The following TUSC3 variants were observed in gnomAD, a reference collection of about 807,000 sequenced individuals.
TUSC3 encodes the protein dolichyl-diphosphooligosaccharide--protein glycosyltransferase subunit TUSC3.
Under a neutral mutation model 44.8 loss-of-function variants are expected in TUSC3, and 45 were observed. The observed-to-expected ratio is 1.00, with a 90% CI of 0.79 to 1.29. TUSC3 has a LOEUF of 1.29. Ranked by LOEUF, TUSC3 falls within the 50% of genes most tolerant of loss-of-function variation. The pLI is 0.00. For missense variants in TUSC3, 519 were observed against 437.9 expected (o/e 1.19, Z -1.65); for synonymous variants, 212 against 152.9 (o/e 1.39, Z -2.85).
intron 6 of TUSC3, among the ~76,000 whole-genome samples, chr8:15,698,156 C>T (rs757198122): frequency 6.6e-5 from 10 of 152,056 alleles, no homozygotes; most frequent in Non-Finnish European, 1.2e-4. Flanking sequence ...AAAGTAAGCC[C>T]TGTTCCTAAA....
At chr8:15,788,021 C>T in the TUSC3 span, among the ~76,000 whole-genome samples, 2 of 152,176 alleles carry the variant, frequency 1.3e-5, no homozygotes, top group Non-Finnish European at 2.9e-5. Flanking sequence ...TTCAGGGGAA[C>T]ATTTTCAAAC....
At chr8:15,511,575 G>T (rs1231886627) in intron 2 of TUSC3, among the ~76,000 whole-genome samples, 1 of 152,030 alleles carries the variant, frequency 6.6e-6, no homozygotes, top group Non-Finnish European at 1.5e-5. Flanking sequence ...TTGATAAAAG[G>T]TGTATAAGAA....
At chr8:15,514,804 G>T (rs917068953) in intron 2 of TUSC3, among the ~76,000 whole-genome samples, 4 of 152,198 alleles carry the variant, frequency 2.6e-5, no homozygotes, top group Admixed American at 6.5e-5. Context: ...GTGGACCTCA[G>T]TTCAGAATTA....
chr8:15,639,015 G>A (rs541280799), intron 2 of TUSC3, among the ~76,000 whole-genome samples: 2 of 145,744 alleles, frequency 1.4e-5, no homozygotes, highest in Non-Finnish European at 1.5e-5. Flanking sequence ...TGATGATCAT[G>A]TGTCGATGCT....
rs140675631 is a variant in TUSC3, at chr8:15,754,463, C to A, written c.1029-3328C>A. On this transcript the variant is annotated intron_variant, in intron 9 of 10. Transcript: ENST00000503731. The stretch of plus-strand genomic sequence containing the variant: ...ACTGCTAGTACAGACACACATTCTT[C>A]TTCACAGTAGCTCTTGGAAAGCTTC... Among the ~76,000 whole-genome samples, 752 of 152,288 alleles carry A rather than the reference C, an allele frequency of 4.9e-3. 8 individuals carry two copies. Among genetic ancestry groups the A allele is most frequent in the Non-Finnish European group, 9.3e-3 (629 of 67,994 alleles).
At chr8:15,532,662 T>A (rs1414035635) in intron 2 of TUSC3, among the ~76,000 whole-genome samples, 1 of 152,226 alleles carries the variant, frequency 6.6e-6, no homozygotes, top group African/African-American at 2.4e-5. Context: ...GGTTTGGTTC[T>A]GTGTCCCCAC....
chr8:15,683,440 A>C (rs116377336), intron 6 of TUSC3, among the ~76,000 whole-genome samples: 1 of 151,984 alleles, frequency 6.6e-6, no homozygotes, highest in Admixed American at 6.6e-5. Context: ...TCTATTGTTA[A>C]GACTTCCAAC....
At chr8:15,615,805 A>G (rs1030186042) in intron 1 of TUSC3, among the ~76,000 whole-genome samples, 4 of 152,256 alleles carry the variant, frequency 2.6e-5, no homozygotes, top group Non-Finnish European at 5.9e-5. Flanking sequence ...CTAAAATACT[A>G]CAAAAATGAG....
intron 3 of TUSC3, among the ~76,000 whole-genome samples, chr8:15,658,359 CAG>C (rs1807263865): frequency 6.6e-6 from 1 of 152,026 alleles, no homozygotes; most frequent in Non-Finnish European, 1.5e-5. Flanking sequence ...CTGCTGTAGT[CAG>C]AGTTCATTTG....
At chr8:15,642,584 C>T (rs1432425765) in intron 2 of TUSC3, among the ~76,000 whole-genome samples, 2 of 152,066 alleles carry the variant, frequency 1.3e-5, no homozygotes, top group Non-Finnish European at 2.9e-5. Context: ...TGCGTATATT[C>T]TGTTCTTTAC....
chr8:15,697,350 A>T (rs757324531), intron 6 of TUSC3, among the ~76,000 whole-genome samples: 1 of 151,940 alleles, frequency 6.6e-6, no homozygotes, highest in Non-Finnish European at 1.5e-5. Context: ...TTGTTTCTCT[A>T]GTTCCTTGAG....
the TUSC3 span, among the ~76,000 whole-genome samples, chr8:15,799,187 T>A: frequency 5.9e-5 from 9 of 152,078 alleles, no homozygotes. Flanking sequence ...ACAATTAGCC[T>A]GATGGACTGC....
At chr8:15,490,291 T>A (rs1192995900) in intron 2 of TUSC3, among the ~76,000 whole-genome samples, 1 of 152,170 alleles carries the variant, frequency 6.6e-6, no homozygotes, top group Non-Finnish European at 1.5e-5. Flanking sequence ...CACATCCAAA[T>A]GCAGGTGGAA....
the TUSC3 span, among the ~76,000 whole-genome samples, chr8:15,823,677 G>A: frequency 6.6e-6 from 1 of 152,074 alleles, no homozygotes; most frequent in South Asian, 2.1e-4. Flanking sequence ...GTACATAATT[G>A]CAAACTTGAT....
chr8:15,427,652 C>T lies in TUSC3; in HGVS notation n.91+10347C>T, dbSNP rs186771255. On this transcript the variant is annotated intron_variant and non_coding_transcript_variant, in intron 1 of 5. Transcript: ENST00000503191. The stretch of plus-strand genomic sequence containing the variant: ...TTTTTAATAAACTTTCACTTCTTCT[C>T]TAAAACTTGCCTTGGTCTCACCTTA... Among the ~76,000 whole-genome samples the T allele has an allele frequency of 2.8e-4, 43 of 151,330 alleles. No individual in the cohort carries two copies. In the East Asian group the frequency reaches 7.0e-3, roughly 24 times the overall value.
chr8:15,660,331 A>G (rs1028320256), intron 4 of TUSC3, among the ~76,000 whole-genome samples: 2 of 152,120 alleles, frequency 1.3e-5, no homozygotes, highest in Non-Finnish European at 2.9e-5. Flanking sequence ...GATGTAAAAC[A>G]TTTCAAAGTA....
intron 5 of TUSC3, among the ~76,000 whole-genome samples, chr8:15,662,874 A>T (rs1381440002): frequency 6.6e-6 from 1 of 151,938 alleles, no homozygotes; most frequent in Non-Finnish European, 1.5e-5. Context: ...GGGAATCATG[A>T]CAAGCTTCCC....
chr8:15,700,104 G>A (rs4377966), intron 6 of TUSC3, among the ~76,000 whole-genome samples: 151,560 of 152,282 alleles, frequency 1, 75,427 homozygotes, highest in East Asian at 1. Context: ...TTACAGTGAA[G>A]GCATCAGCTT....
the TUSC3 span, among the ~76,000 whole-genome samples, chr8:15,811,041 G>C: frequency 6.6e-6 from 1 of 152,036 alleles, no homozygotes; most frequent in Non-Finnish European, 1.5e-5. Flanking sequence ...CATCAGCAGA[G>C]AGTGAGGAAA....
Sources: gnomAD v4.1 joint callset for allele counts (sites outside exome capture counted in the v4.1 genomes callset) on GRCh38, gnomAD v4.1.1 for gene constraint, MANE v1.5 for transcripts, NCBI Gene and HGNC (gene_info 2026-07-23, HGNC 2026-07-21) for gene names.